Variants in FOXP1 observed in about 807,000 individuals in gnomAD.
FOXP1 encodes forkhead box P1.
FOXP1 carries 15 observed loss-of-function variants against 98.2 expected under a neutral mutation model. The ratio of observed to expected loss-of-function variants is 0.15; its 90% CI spans 0.10 to 0.24. The LOEUF (loss-of-function observed/expected upper bound fraction) is 0.24. FOXP1 is among the 10% of genes least tolerant of loss of function. The pLI is 1.00. For missense variants in FOXP1, 633 were observed against 848.5 expected (o/e 0.75, Z 3.15); for synonymous variants, 371 against 314.5 (o/e 1.18, Z -1.90).
At chr3:71,519,342 G>A (rs1392577610) in intron 2 of FOXP1, among the ~76,000 whole-genome samples, 2 of 152,288 alleles carry the variant, frequency 1.3e-5, no homozygotes, top group East Asian at 1.9e-4. Context: ...GTAAAACTGC[G>A]GAGACTTTAC....
intron 6 of FOXP1, among the ~76,000 whole-genome samples, chr3:71,116,841 C>A (rs1020211760): frequency 6.6e-6 from 1 of 152,140 alleles, no homozygotes; most frequent in African/African-American, 2.4e-5. Context: ...TGTATCTGGG[C>A]ATTATAATAC....
intron 12 of FOXP1, among the ~76,000 whole-genome samples, chr3:71,013,250 T>C (rs2043926355): frequency 6.6e-6 from 1 of 152,190 alleles, no homozygotes; most frequent in South Asian, 2.1e-4. Flanking sequence ...AATACCAATA[T>C]AGAAAGTTAA....
chr3:71,211,484 G>A (rs1187931720), intron 5 of FOXP1, among the ~76,000 whole-genome samples: 1 of 152,084 alleles, frequency 6.6e-6, no homozygotes, highest in Non-Finnish European at 1.5e-5. Flanking sequence ...GGAATTACAG[G>A]TATAAGCCAC....
chr3:71,492,565 C>A, intron 3 of FOXP1, among the ~76,000 whole-genome samples: 1 of 152,152 alleles, frequency 6.6e-6, no homozygotes, highest in East Asian at 1.9e-4. Flanking sequence ...ACACTTCTCT[C>A]CATTATTTAG....
intron 4 of FOXP1, among the ~76,000 whole-genome samples, chr3:71,318,127 G>A (rs1451684544): frequency 6.7e-6 from 1 of 148,156 alleles, no homozygotes; most frequent in African/African-American, 2.5e-5. Context: ...TAAACAAAAT[G>A]AATTACAAAT....
chr3:70,957,828 C>A lies in FOXP1; in HGVS notation c.*1419G>T, dbSNP rs1239202994. 4.3e-6 allele frequency: 1 copy of A among 233,738 alleles called. No homozygotes were observed. Among genetic ancestry groups the A allele is most frequent in the Non-Finnish European group, 8.5e-6 (1 of 118,160 alleles). The allele number at this position is 233,738 out of a possible 1,614,324, so 14.5% of individuals were successfully genotyped here. A position where few individuals can be genotyped will look rare whatever the true frequency, so the allele number is the denominator to read the frequency against. On this transcript the variant is annotated 3_prime_UTR_variant, in exon 21 of 21. Coordinates refer to ENST00000649528, the MANE Select transcript of FOXP1 (RefSeq NM_001349338.3). ...TGCATATTTGAAATTAACACTTTAG[C>A]ATTTGCTGAACTCAGCCCTCGTTAA... is the stretch of plus-strand genomic sequence containing the variant.
intron 2 of FOXP1, among the ~76,000 whole-genome samples, chr3:71,500,426 G>A (rs556735838): frequency 4.1e-4 from 63 of 152,236 alleles, no homozygotes; most frequent in Middle Eastern, 3.4e-3. Context: ...CCCTGCTCTA[G>A]AGAACAACTG....
intron 3 of FOXP1, among the ~76,000 whole-genome samples, chr3:71,424,021 TG>T (rs549085759): frequency 9.8e-5 from 15 of 152,344 alleles, no homozygotes; most frequent in Admixed American, 9.8e-4. Flanking sequence ...CTGGAATTCT[TG>T]GCTTCAAGTG....
At chr3:71,359,918 G>A (rs948528541) in intron 3 of FOXP1, among the ~76,000 whole-genome samples, 24 of 152,008 alleles carry the variant, frequency 1.6e-4, no homozygotes, top group Admixed American at 1.5e-3. Context: ...GCAGCCTCCC[G>A]AGTAGCTGGG....
intron 2 of FOXP1, among the ~76,000 whole-genome samples, chr3:71,526,323 G>A (rs1403577033): frequency 1.3e-5 from 2 of 152,044 alleles, no homozygotes; most frequent in African/African-American, 2.4e-5. Flanking sequence ...CAGAGTTCAG[G>A]CCCAAATCTG....
chr3:71,308,933 T>C (rs1021800609), intron 4 of FOXP1, among the ~76,000 whole-genome samples: 4 of 152,102 alleles, frequency 2.6e-5, no homozygotes, highest in Non-Finnish European at 4.4e-5. Context: ...TAGAATTTCC[T>C]TTTAGTAGGG....
chr3:70,967,268 G>A (rs1457825784), intron 19 of FOXP1, among the ~76,000 whole-genome samples: 2 of 152,190 alleles, frequency 1.3e-5, no homozygotes, highest in Admixed American at 6.5e-5. Flanking sequence ...GCAGAAATCT[G>A]TCTGGCTAGT....
chr3:71,188,272 T>C (rs1174693104), intron 6 of FOXP1, among the ~76,000 whole-genome samples: 5 of 152,226 alleles, frequency 3.3e-5, no homozygotes, highest in Admixed American at 2.0e-4. Flanking sequence ...TTAAAAGTTA[T>C]TGGATTTGAA....
intron 2 of FOXP1, among the ~76,000 whole-genome samples, chr3:71,512,839 C>T (rs888090376): frequency 6.6e-6 from 1 of 152,184 alleles, no homozygotes; most frequent in African/African-American, 2.4e-5. Context: ...TTATTTCAGA[C>T]TTTCTGTGAC....
intron 5 of FOXP1, among the ~76,000 whole-genome samples, chr3:71,205,632 G>C (rs960735033): frequency 6.6e-6 from 1 of 152,088 alleles, no homozygotes; most frequent in East Asian, 1.9e-4. Flanking sequence ...GTGAGGAGTC[G>C]GGCCTCCCCA....
chr3:71,192,262 G>A (rs1489054319), intron 6 of FOXP1, among the ~76,000 whole-genome samples: 3 of 152,136 alleles, frequency 2.0e-5, no homozygotes, highest in Non-Finnish European at 4.4e-5. Flanking sequence ...AGAATGGTAC[G>A]GCCAATCCAG....
chr3:71,330,144 A>G (rs553263934), intron 4 of FOXP1, among the ~76,000 whole-genome samples: 4 of 152,334 alleles, frequency 2.6e-5, no homozygotes, highest in African/African-American at 9.6e-5. Flanking sequence ...GAAGCACACA[A>G]TATCACTTCT....
chr3:71,217,439 A>T (rs1035627616), intron 5 of FOXP1, among the ~76,000 whole-genome samples: 2 of 152,032 alleles, frequency 1.3e-5, no homozygotes, highest in African/African-American at 2.4e-5. Context: ...TTCAGAAGTA[A>T]ATTTATTATG....
At chr3:71,178,528 C>T (rs751614422) in intron 6 of FOXP1, among the ~76,000 whole-genome samples, 1 of 152,168 alleles carries the variant, frequency 6.6e-6, no homozygotes, top group Admixed American at 6.5e-5. Context: ...GCAGGTGGAT[C>T]ACTTGAGGCC....
Sources: gnomAD v4.1 joint callset for allele counts (sites outside exome capture counted in the v4.1 genomes callset) on GRCh38, gnomAD v4.1.1 for gene constraint, MANE v1.5 for transcripts, NCBI Gene and HGNC (gene_info 2026-07-23, HGNC 2026-07-21) for gene names.